The following ALDH1A3 variants were observed in gnomAD, a reference collection of about 807,000 sequenced individuals.
ALDH1A3 encodes aldehyde dehydrogenase 1 family member A3.
Under a neutral mutation model 57.5 loss-of-function variants are expected in ALDH1A3, and 28 were observed. That is an observed-to-expected ratio of 0.49 (90% CI 0.36 to 0.67). ALDH1A3 has a LOEUF of 0.67. ALDH1A3 is among the 30% of genes least tolerant of loss of function. The probability of loss-of-function intolerance (pLI) is 0.00; values close to 1 mark genes in which losing one functional copy is unlikely to be tolerated. For missense variants in ALDH1A3, 507 were observed against 669.4 expected, an observed-to-expected ratio of 0.76 and a Z score of 2.68; for synonymous variants, 281 against 264.8, an observed-to-expected ratio of 1.06 and a Z score of -0.59.
rs550345255 is a variant in ALDH1A3 at position 100,905,091 on chromosome 15, A to T, written c.1069-432A>T. 2.0e-5 allele frequency among the ~76,000 whole-genome samples: 3 copies of T among 152,314 alleles called. No individual in the cohort carries two copies. In the South Asian group the frequency reaches 6.2e-4, roughly 32 times the overall value. On this transcript the variant is annotated intron_variant, in intron 9 of 12. Coordinates refer to ENST00000329841, the MANE Select transcript of ALDH1A3 (RefSeq NM_000693.4). ...AGTATATCCCAAATATTGTTTTGGG[A>T]CATACTAAAAAAAATTATGTGTCAT...
intron 12 of ALDH1A3, chr15:100,913,900 G>A (rs113802017): frequency 0.01 from 1,544 of 152,296 alleles, 10 homozygotes; most frequent in Non-Finnish European, 0.016. Context: ...TCCTAAACAA[G>A]CACACATTTT....
In ALDH1A3 at chr15:100,908,578, G is replaced by A. The variant is rs4646687; in HGVS notation, c.1466+96G>A. ...ACAGGCTCCAATCTGCTGACACCCC[G>A]TCCCCCCCACACCGCCGCTCTGTCT... is the stretch of plus-strand genomic sequence containing the variant. On this transcript the variant is annotated intron_variant, in intron 12 of 12. Transcript: ENST00000329841. The A allele has an allele frequency of 0.32, 353,384 of 1,112,142 alleles. 62,037 individuals carry two copies. The highest frequency in any genetic ancestry group is 0.48 in the South Asian group (36,078 of 75,424). The allele number at this position is 1,112,142 out of a possible 1,614,324, so 68.9% of individuals were successfully genotyped here. A position where few individuals can be genotyped will look rare whatever the true frequency, so the allele number is the denominator to read the frequency against.
rs2041605625 is a variant in ALDH1A3 at position 100,887,355 on chromosome 15, A to T, written c.205-217A>T. Among the ~76,000 whole-genome samples, 2 of 145,180 alleles carry T rather than the reference A, an allele frequency of 1.4e-5. No individual in the cohort carries two copies. The highest frequency in any genetic ancestry group is 2.4e-5 in the African/African-American group (1 of 40,828). Reference sequence around the variant, plus strand: ...GACACCCAAACTGCAGTCACCTCAAAAGATGACACCCAAACTGCAGTCACC... The same window carrying T: ...GACACCCAAACTGCAGTCACCTCAATAGATGACACCCAAACTGCAGTCACC... On this transcript the variant is annotated intron_variant, in intron 2 of 12. Coordinates refer to ENST00000329841, the MANE Select transcript of ALDH1A3 (RefSeq NM_000693.4). This position sits in a 1 kb window ranked among gnomAD's most constrained non-coding sequence, Gnocchi z 4.6.
At chr15:100,884,158 G>A (rs1222758425) in intron 1 of ALDH1A3, among the ~76,000 whole-genome samples, 2 of 152,224 alleles carry the variant, frequency 1.3e-5, no homozygotes, top group African/African-American at 4.8e-5. Flanking sequence ...GGTGTAGCAG[G>A]AGTTTGTGTG....
chr15:100,901,250 A>G (rs2041765640), intron 9 of ALDH1A3, among the ~76,000 whole-genome samples: 1 of 152,234 alleles, frequency 6.6e-6, no homozygotes, highest in African/African-American at 2.4e-5. Context: ...GAGTTTGGGA[A>G]GCCAAGGACA....
At position 100,887,552 on chromosome 15, in the gene ALDH1A3, C is replaced by T; in HGVS notation, c.205-20C>T. On this transcript the variant is annotated intron_variant, in intron 2 of 12. Coordinates refer to ENST00000329841, the MANE Select transcript of ALDH1A3 (RefSeq NM_000693.4). This position sits in a 1 kb window ranked among gnomAD's most constrained non-coding sequence, Gnocchi z 4.6. Reference sequence around the variant, plus strand: ...CACGTCAAAAGATGACAGTCTCTCTCTGTTGTTCTGGTCGCTCAGCCCGAC... The same window carrying T: ...CACGTCAAAAGATGACAGTCTCTCTTTGTTGTTCTGGTCGCTCAGCCCGAC... 3.8e-6 allele frequency: 6 copies of T among 1,560,534 alleles called. No individual in the cohort carries two copies. The highest frequency in any genetic ancestry group is 5.2e-6 in the Non-Finnish European group (6 of 1,150,442).
At chr15:100,910,354 A>G (rs1315381717) in intron 12 of ALDH1A3, among the ~76,000 whole-genome samples, 1 of 152,188 alleles carries the variant, frequency 6.6e-6, no homozygotes, top group East Asian at 1.9e-4. Flanking sequence ...CCCCTGCTTC[A>G]TCACTTCTTA....
intron 12 of ALDH1A3, 91 bp downstream of exon 12, chr15:100,908,573 A>T: frequency 8.4e-7 from 1 of 1,194,382 alleles, no homozygotes; most frequent in Non-Finnish European, 1.2e-6. Context: ...ATCTGCTGAC[A>T]CCCCGTCCCC....
At chr15:100,888,099 T>C (rs2041614194) in intron 3 of ALDH1A3, among the ~76,000 whole-genome samples, 1 of 152,118 alleles carries the variant, frequency 6.6e-6, no homozygotes, top group African/African-American at 2.4e-5. Flanking sequence ...TTATTTATTT[T>C]ATTTTATTTA....
intron 9 of ALDH1A3, among the ~76,000 whole-genome samples, chr15:100,901,405 G>C (rs1355775155): frequency 6.6e-6 from 1 of 152,154 alleles, no homozygotes; most frequent in Non-Finnish European, 1.5e-5. Context: ...TATTGAAATG[G>C]AGCTCAGCAG....
chr15:100,884,196 C>T (rs1429607361), intron 1 of ALDH1A3, among the ~76,000 whole-genome samples: 2 of 152,154 alleles, frequency 1.3e-5, no homozygotes, highest in Admixed American at 1.3e-4. Flanking sequence ...CGGGGACCTC[C>T]GTGCTGTCGG....
chr15:100,900,745 G>A lies in ALDH1A3; in HGVS notation c.1054G>A (p.Glu352Lys). Residue 352 changes from glutamate (E) to lysine (K), a missense_variant, in exon 9 of 13, where the codon GAA becomes AAA. Physicochemically the swap from Glu to Lys is moderately conservative, Grantham distance 56. Coordinates refer to ENST00000329841, the MANE Select transcript of ALDH1A3 (RefSeq NM_000693.4). ...PVGDPFDVKT[E>K]QGPQIDQKQF... ...GGGAGACCCCTTCGATGTCAAAACA[G>A]AACAGGGGCCTCAGGTAATCCCCCT... is the stretch of plus-strand genomic sequence containing the variant. The A allele has an allele frequency of 6.2e-7, 1 of 1,614,046 alleles. No homozygotes were observed. The highest frequency in any genetic ancestry group is 8.5e-7 in the Non-Finnish European group (1 of 1,179,986).
At chr15:100,897,949 G>T in intron 7 of ALDH1A3, 134 bp from the exon 8 acceptor site, 1 of 701,118 alleles carries the variant, frequency 1.4e-6, no homozygotes, top group Non-Finnish European at 2.5e-6. Context: ...CGGCATCGGG[G>T]CCTGGAGCGC....
intron 3 of ALDH1A3, among the ~76,000 whole-genome samples, chr15:100,888,169 G>T (rs1039939866): frequency 5.3e-5 from 8 of 152,012 alleles, no homozygotes; most frequent in Admixed American, 3.9e-4. Context: ...CGCGATCTCG[G>T]CTCACTGCAG....
intron 9 of ALDH1A3, among the ~76,000 whole-genome samples, chr15:100,901,273 T>A (rs898128700): frequency 6.6e-6 from 1 of 152,192 alleles, no homozygotes; most frequent in Non-Finnish European, 1.5e-5. Context: ...ATGAAAATGA[T>A]CATAACCACG....
In ALDH1A3 at chr15:100,907,226, A is replaced by C; in HGVS notation, c.1339A>C (p.Asn447His). 6.2e-7 allele frequency: 1 copy of C among 1,614,216 alleles called. No individual in the cohort carries two copies. The highest frequency in any genetic ancestry group is 8.5e-7 in the Non-Finnish European group (1 of 1,180,018). Reference protein sequence around the residue: ...YGLTAAVFTKNLDKALKLASA... With the variant: ...YGLTAAVFTKHLDKALKLASA... ...ACTCACAGCAGCCGTGTTCACAAAA[A>C]ATCTCGACAAAGCCCTGAAGTTGGC... is the stretch of plus-strand genomic sequence containing the variant. The change falls in exon 11 of 13, where the codon AAT becomes CAT. Residue 447 changes from asparagine to histidine, a missense_variant. By Grantham distance (68) the Asn-to-His change is moderately conservative. This residue lies in a region of ALDH1A3 where 432 missense variants were observed against 608.4 expected (regional missense o/e 0.71). Coordinates refer to ENST00000329841, the MANE Select transcript of ALDH1A3 (RefSeq NM_000693.4).
At chr15:100,899,330 G>C (rs1596128803) in intron 8 of ALDH1A3, among the ~76,000 whole-genome samples, 1 of 152,164 alleles carries the variant, frequency 6.6e-6, no homozygotes, top group South Asian at 2.1e-4. Flanking sequence ...CAGGACTCCT[G>C]TTTTGCTTTC....
chr15:100,903,791 C>T (rs995879729), intron 9 of ALDH1A3, among the ~76,000 whole-genome samples: 7 of 152,092 alleles, frequency 4.6e-5, no homozygotes, highest in Non-Finnish European at 1.0e-4. Flanking sequence ...ATTTAAAAAC[C>T]GTTTGTATTT....
Position 100,908,269 on chromosome 15 carries a change from C to T in ALDH1A3, c.1392-139C>T, listed in dbSNP as rs377194095. 7.4e-6 allele frequency: 5 copies of T among 675,280 alleles called. No individual in the cohort carries two copies. The African/African-American group carries it at 9.2e-5, about 12-fold the overall frequency. The allele number at this position is 675,280 out of a possible 1,614,324, so 41.8% of individuals were successfully genotyped here. Reference sequence around the variant, plus strand: ...AATGAGAAGACAAAAGTTGAGAGCACCCTGTGTTTTCATCAAGGAAGCTTT... The same window carrying T: ...AATGAGAAGACAAAAGTTGAGAGCATCCTGTGTTTTCATCAAGGAAGCTTT... On this transcript the variant is annotated intron_variant, in intron 11 of 12. Coordinates refer to ENST00000329841, the MANE Select transcript of ALDH1A3 (RefSeq NM_000693.4).
Sources: gnomAD v4.1 joint callset for allele counts (sites outside exome capture counted in the v4.1 genomes callset) on GRCh38, gnomAD v4.1.1 for gene constraint, gnomAD v4.1.1 regional missense constraint, Gnocchi (gnomAD v3.1) non-coding constraint, MANE v1.5 for transcripts, NCBI Gene and HGNC (gene_info 2026-07-23, HGNC 2026-07-21) for gene names.